The following NRXN3 variants were observed in gnomAD, a reference collection of about 807,000 sequenced individuals.
NRXN3 encodes neurexin 3.
Under a neutral mutation model 137.6 loss-of-function variants are expected in NRXN3, and 32 were observed. The ratio of observed to expected loss-of-function variants is 0.23; its 90% confidence interval spans 0.18 to 0.31. The LOEUF (loss-of-function observed/expected upper bound fraction) is 0.31. NRXN3 is among the 10% of genes least tolerant of loss of function. The pLI, the probability that NRXN3 is intolerant of heterozygous loss-of-function variation, is 1.00. For missense variants in NRXN3, 1,574 were observed against 2,062.5 expected (o/e 0.76, Z 4.59); for synonymous variants, 798 against 784.5 (o/e 1.02, Z -0.29).
At chr14:79,517,586 A>G (rs1437090580) in intron 16 of NRXN3, among the ~76,000 whole-genome samples, 1 of 152,038 alleles carries the variant, frequency 6.6e-6, no homozygotes, top group Non-Finnish European at 1.5e-5. Context: ...TAGCACTACC[A>G]TGTTTTGCTT....
intron 16 of NRXN3, among the ~76,000 whole-genome samples, chr14:79,512,452 A>G (rs1319559318): frequency 2.0e-5 from 3 of 152,220 alleles, no homozygotes; most frequent in Non-Finnish European, 4.4e-5. Flanking sequence ...AGTAATCTAT[A>G]AACAATGTTA....
At chr14:79,203,652 G>A (rs1328550936) in intron 15 of NRXN3, among the ~76,000 whole-genome samples, 1 of 152,186 alleles carries the variant, frequency 6.6e-6, no homozygotes, top group Non-Finnish European at 1.5e-5. Flanking sequence ...TATGGAGGTG[G>A]ATTTTGGATT....
Position 78,650,739 on chromosome 14 carries a change from C to T in NRXN3, c.1060-426C>T, listed in dbSNP as rs548036750. 4.6e-5 allele frequency among the ~76,000 whole-genome samples: 7 copies of T among 151,724 alleles called. 1 individual carries two copies. Among genetic ancestry groups the T allele is most frequent in the Non-Finnish European group, 7.4e-5 (5 of 67,790 alleles). ...AATAAAACCATCAACAACCAAAGACCAACCCCTAACAAATTTCATCATCAA... is the reference window on the plus strand; with the variant it reads ...AATAAAACCATCAACAACCAAAGACTAACCCCTAACAAATTTCATCATCAA... On this transcript the variant is annotated intron_variant, in intron 5 of 20. Transcript: ENST00000335750.
chr14:78,501,272 T>C (rs1012373811), intron 4 of NRXN3, among the ~76,000 whole-genome samples: 1 of 152,168 alleles, frequency 6.6e-6, no homozygotes, highest in African/African-American at 2.4e-5. Flanking sequence ...AAGGCTGCAG[T>C]CATCCTAAGG....
chr14:79,428,528 A>G (rs1461024752), intron 15 of NRXN3, among the ~76,000 whole-genome samples: 1 of 152,124 alleles, frequency 6.6e-6, no homozygotes, highest in South Asian at 2.1e-4. Flanking sequence ...AATTCTAAAC[A>G]GAGAAATCAA....
intron 8 of NRXN3, among the ~76,000 whole-genome samples, chr14:78,722,507 T>C (rs1036071278): frequency 1.3e-5 from 2 of 152,198 alleles, no homozygotes; most frequent in African/African-American, 4.8e-5. Context: ...TTCATGTTTC[T>C]TTTCACAGAG....
chr14:78,682,256 A>T (rs893152042), intron 6 of NRXN3, among the ~76,000 whole-genome samples: 1 of 151,956 alleles, frequency 6.6e-6, no homozygotes, highest in South Asian at 2.1e-4. Flanking sequence ...ATGCCTGTGG[A>T]TTCTGTTCCT....
At chr14:79,844,788 A>C (rs1179276513) in intron 20 of NRXN3, among the ~76,000 whole-genome samples, 1 of 152,198 alleles carries the variant, frequency 6.6e-6, no homozygotes, top group Non-Finnish European at 1.5e-5. Flanking sequence ...ACTTTAAGTC[A>C]CCAGCTACAT....
chr14:78,779,459 T>A (rs1360276015), intron 8 of NRXN3, among the ~76,000 whole-genome samples: 1 of 152,074 alleles, frequency 6.6e-6, no homozygotes, highest in Non-Finnish European at 1.5e-5. Context: ...TTGTTTCTAT[T>A]GATTATTGAA....
intron 20 of NRXN3, among the ~76,000 whole-genome samples, chr14:79,833,883 A>G (rs1452763315): frequency 1.9e-4 from 29 of 152,188 alleles, no homozygotes; most frequent in Admixed American, 1.9e-3. Context: ...TGGAATGAAA[A>G]TAACCCAGGT....
At chr14:78,831,990 G>C (rs1208219117) in intron 10 of NRXN3, among the ~76,000 whole-genome samples, 3 of 152,104 alleles carry the variant, frequency 2.0e-5, no homozygotes, top group Non-Finnish European at 4.4e-5. Context: ...TCAGTGGGGA[G>C]TGGGGTAAAA....
chr14:79,228,867 GT>G (rs1189632462), intron 15 of NRXN3, among the ~76,000 whole-genome samples: 1 of 152,046 alleles, frequency 6.6e-6, no homozygotes, highest in Non-Finnish European at 1.5e-5. Flanking sequence ...TCACCTTTTA[GT>G]TTTTTTAGAA....
intron 4 of NRXN3, among the ~76,000 whole-genome samples, chr14:78,463,565 T>A (rs2094995626): frequency 6.6e-6 from 1 of 151,138 alleles, no homozygotes; most frequent in African/African-American, 2.4e-5. Context: ...TTTGACTTTT[T>A]AATAATAAAA....
At chr14:78,811,877 C>T (rs1307106605) in intron 10 of NRXN3, among the ~76,000 whole-genome samples, 1 of 152,052 alleles carries the variant, frequency 6.6e-6, no homozygotes, top group Non-Finnish European at 1.5e-5. Context: ...AAGCAATGGC[C>T]TATTTTCTGT....
chr14:78,262,724 G>A (rs1465842101), intron 2 of NRXN3, among the ~76,000 whole-genome samples: 1 of 152,172 alleles, frequency 6.6e-6, no homozygotes, highest in Non-Finnish European at 1.5e-5. Context: ...GTTGTTGCCA[G>A]GGACATTTAT....
intron 15 of NRXN3, among the ~76,000 whole-genome samples, chr14:79,096,755 A>G (rs1172934740): frequency 9.2e-5 from 14 of 151,876 alleles, no homozygotes; most frequent in Admixed American, 9.2e-4. Flanking sequence ...CCCTCCCCCA[A>G]CAGATCCCAA....
chr14:79,444,434 G>A (rs770192668), intron 15 of NRXN3, among the ~76,000 whole-genome samples: 5 of 152,288 alleles, frequency 3.3e-5, no homozygotes, highest in Non-Finnish European at 4.4e-5. Flanking sequence ...CCTTGGATAA[G>A]TTTAATATGA....
At chr14:79,264,680 C>T (rs1025336457) in intron 15 of NRXN3, among the ~76,000 whole-genome samples, 2 of 152,108 alleles carry the variant, frequency 1.3e-5, no homozygotes, top group African/African-American at 4.8e-5. Flanking sequence ...TCTTTCAAGG[C>T]TGTATCTCCA....
At position 79,227,140 on chromosome 14, in the gene NRXN3, A is replaced by AAT. The variant is rs200878621; in HGVS notation, c.3262+239010_3262+239011dup. ...GCCTACATCCATTTTAAAATGAAAAAATATATATATATGTAATTTATTTGA... is the reference window on the plus strand; with the variant it reads ...GCCTACATCCATTTTAAAATGAAAAAATATATATATATATGTAATTTATTTGA... On this transcript the variant is annotated intron_variant, in intron 15 of 20. Transcript: ENST00000335750. 9.7e-3 allele frequency among the ~76,000 whole-genome samples: 1,469 copies of AAT among 151,700 alleles called. 24 individuals are homozygous for AAT. Among genetic ancestry groups the AAT allele is most frequent in the South Asian group, 0.026 (127 of 4,808 alleles).
Sources: gnomAD v4.1 joint callset for allele counts (sites outside exome capture counted in the v4.1 genomes callset) on GRCh38, gnomAD v4.1.1 for gene constraint, MANE v1.5 for transcripts, NCBI Gene and HGNC (gene_info 2026-07-23, HGNC 2026-07-21) for gene names.